LEKR1: variants seen among roughly 807,000 people sequenced by gnomAD.
The protein encoded by LEKR1 is leucine, glutamate and lysine rich 1, also known as protein LEKR1.
A neutral mutation model predicts 72.4 loss-of-function variants in LEKR1; 59 were observed. The ratio of observed to expected loss-of-function variants is 0.82; its 90% CI spans 0.66 to 1.01. LEKR1 has a LOEUF of 1.01. Ranked by LOEUF, LEKR1 falls within the 50% of genes least tolerant of loss-of-function variation. The probability of loss-of-function intolerance (pLI) is 0.00; values close to 1 mark genes in which losing one functional copy is unlikely to be tolerated. For missense variants in LEKR1, 728 were observed against 759.2 expected, an observed-to-expected ratio of 0.96 and a Z score of 0.48; for synonymous variants, 257 against 263.2, an observed-to-expected ratio of 0.98 and a Z score of 0.23.
chr3:157,003,447 C>T (rs897037057), intron 9 of LEKR1, among the ~76,000 whole-genome samples: 2 of 152,080 alleles, frequency 1.3e-5, no homozygotes, highest in African/African-American at 2.4e-5. Flanking sequence ...GTCAGAAGTT[C>T]AAATGAATCT....
chr3:157,024,663 T>C (rs964204111), intron 10 of LEKR1, 97 bp from the exon 11 acceptor site: 4 of 908,306 alleles, frequency 4.4e-6, no homozygotes, highest in African/African-American at 1.7e-5. Context: ...AAAAATTTAA[T>C]GTCAGAACAT....
chr3:156,849,496 G>A (rs1380645401), intron 2 of LEKR1, among the ~76,000 whole-genome samples: 4 of 152,178 alleles, frequency 2.6e-5, no homozygotes, highest in Non-Finnish European at 5.9e-5. Flanking sequence ...CACGCTACCT[G>A]ACTTCAAACT....
At chr3:156,981,715 G>T (rs867198749) in intron 7 of LEKR1, among the ~76,000 whole-genome samples, 6 of 152,234 alleles carry the variant, frequency 3.9e-5, no homozygotes, top group African/African-American at 1.4e-4. Flanking sequence ...GCCTCAGGTT[G>T]CTCAGAGGTC....
intron 2 of LEKR1, among the ~76,000 whole-genome samples, chr3:156,841,998 C>A (rs906343642): frequency 6.6e-6 from 1 of 152,198 alleles, no homozygotes; most frequent in Non-Finnish European, 1.5e-5. Context: ...CTCATAGGAG[C>A]AGGAACTGCA....
At chr3:157,020,723 A>G (rs1264939915) in intron 10 of LEKR1, among the ~76,000 whole-genome samples, 1 of 151,932 alleles carries the variant, frequency 6.6e-6, no homozygotes, top group Admixed American at 6.6e-5. Flanking sequence ...ATTGTGAATA[A>G]TGCCGCAGTA....
At chr3:157,033,081 G>A (rs1179971539) in intron 12 of LEKR1, among the ~76,000 whole-genome samples, 2 of 152,046 alleles carry the variant, frequency 1.3e-5, no homozygotes, top group Admixed American at 6.6e-5. Flanking sequence ...GTGTGTGTTC[G>A]GACTAATCCA....
intron 9 of LEKR1, among the ~76,000 whole-genome samples, chr3:156,997,860 CTATT>C (rs1319950688): frequency 6.6e-6 from 1 of 152,168 alleles, no homozygotes; most frequent in African/African-American, 2.4e-5. Context: ...TAGTACAAAT[CTATT>C]TATTTGGGCA....
At chr3:157,044,792 G>T (rs1204545342) in intron 12 of LEKR1, among the ~76,000 whole-genome samples, 1 of 152,144 alleles carries the variant, frequency 6.6e-6, no homozygotes, top group Admixed American at 6.5e-5. Context: ...GTTCCACTGA[G>T]AAAGCATCAT....
At chr3:156,929,329 A>G (rs1576842724) in intron 5 of LEKR1, among the ~76,000 whole-genome samples, 1 of 152,134 alleles carries the variant, frequency 6.6e-6, no homozygotes, top group Non-Finnish European at 1.5e-5. Flanking sequence ...CTAATGATGA[A>G]TGTTTGAGAA....
intron 3 of LEKR1, among the ~76,000 whole-genome samples, chr3:156,909,259 A>G (rs1286999362): frequency 6.6e-6 from 1 of 152,184 alleles, no homozygotes. Context: ...AAAATGGACT[A>G]ATACAGTACT....
At chr3:156,881,241 C>T (rs1226115092) in intron 3 of LEKR1, among the ~76,000 whole-genome samples, 1 of 152,010 alleles carries the variant, frequency 6.6e-6, no homozygotes, top group Non-Finnish European at 1.5e-5. Context: ...GATTGTATAT[C>T]TAGAAAACCC....
At chr3:156,971,838 A>G (rs968096710) in intron 6 of LEKR1, among the ~76,000 whole-genome samples, 2 of 152,188 alleles carry the variant, frequency 1.3e-5, no homozygotes, top group Non-Finnish European at 2.9e-5. Context: ...AAGTCAGGAA[A>G]CAACAGGTGC....
chr3:157,011,423 C>T lies in LEKR1; in HGVS notation c.1120C>T (p.Leu374=), dbSNP rs1336376390. The T allele has an allele frequency of 3.7e-6, 6 of 1,611,980 alleles. No individual in the cohort carries two copies. Among genetic ancestry groups the T allele is most frequent in the Non-Finnish European group, 8.5e-7 (1 of 1,178,334 alleles). Residue 374 remains leucine (L), a synonymous_variant, in exon 10 of 13, where the codon CTG becomes TTG. Transcript: ENST00000356539. ...GTTTGTGATTTTCAGGGAATTGATG[C>T]TGATTTCACATCAGAAAAGCATCGA... ...LTLKNERELM[L]ISHQKSIEQL...
intron 2 of LEKR1, among the ~76,000 whole-genome samples, chr3:156,832,033 C>A (rs1712481063): frequency 6.6e-6 from 1 of 152,172 alleles, no homozygotes; most frequent in Non-Finnish European, 1.5e-5. Flanking sequence ...CTCACAGGGG[C>A]AGATTTGGAG....
chr3:156,992,836 T>G (rs1271404000), intron 8 of LEKR1, 106 bp downstream of exon 8: 8 of 317,724 alleles, frequency 2.5e-5, no homozygotes, highest in African/African-American at 1.7e-4. Context: ...ATTTTCTTAT[T>G]GTTTACATAT....
At chr3:157,026,664 A>G (rs1469061193) in intron 11 of LEKR1, among the ~76,000 whole-genome samples, 3 of 152,236 alleles carry the variant, frequency 2.0e-5, no homozygotes, top group East Asian at 3.8e-4. Flanking sequence ...CAAATTTTGG[A>G]TACATAACTC....
In LEKR1 at chr3:157,034,116, T is replaced by A. The variant is rs140925448; in HGVS notation, c.1668+5714T>A. ...ACAATGCATCTGGTCACCCAAGAGC[T>A]CTGATGGAGATGTACAAGGGGATTA... On this transcript the variant is annotated intron_variant, in intron 12 of 12. Transcript: ENST00000356539. Among the ~76,000 whole-genome samples the A allele has an allele frequency of 4.4e-3, 663 of 152,096 alleles. 2 individuals are homozygous for A. The highest frequency in any genetic ancestry group is 0.015 in the African/African-American group (638 of 41,478).
intron 6 of LEKR1, among the ~76,000 whole-genome samples, chr3:156,952,873 A>G (rs13100856): frequency 6.6e-6 from 1 of 151,546 alleles, no homozygotes; most frequent in Non-Finnish European, 1.5e-5. Flanking sequence ...CCATATAGCC[A>G]TAGAGAGAGA....
At chr3:157,031,102 G>C (rs1219623750) in intron 12 of LEKR1, among the ~76,000 whole-genome samples, 1 of 152,098 alleles carries the variant, frequency 6.6e-6, no homozygotes, top group Non-Finnish European at 1.5e-5. Flanking sequence ...CATTAAGGGG[G>C]CGTTTTAAAG....
Sources: gnomAD v4.1 joint callset for allele counts (sites outside exome capture counted in the v4.1 genomes callset) on GRCh38, gnomAD v4.1.1 for gene constraint, MANE v1.5 for transcripts, NCBI Gene and HGNC (gene_info 2026-07-23, HGNC 2026-07-21) for gene names.